The following SGCZ variants were observed in gnomAD, a reference collection of about 807,000 sequenced individuals.
SGCZ encodes the protein zeta-sarcoglycan.
In SGCZ, 40 loss-of-function variants were observed where a neutral mutation model predicts 41.3. The observed-to-expected ratio is 0.97, with a 90% CI of 0.75 to 1.26. SGCZ has a LOEUF of 1.26. Ranked by LOEUF, SGCZ falls within the 50% of genes most tolerant of loss-of-function variation. The probability of loss-of-function intolerance (pLI) is 0.00; values close to 1 mark genes in which losing one functional copy is unlikely to be tolerated. For synonymous variants in SGCZ, 206 were observed against 137.5 expected (o/e 1.50, Z -3.49); for missense variants, 552 against 369.8 (o/e 1.49, Z -4.04).
At chr8:14,477,579 A>G (rs1002629175) in intron 2 of SGCZ, among the ~76,000 whole-genome samples, 6 of 152,192 alleles carry the variant, frequency 3.9e-5, no homozygotes, top group African/African-American at 7.2e-5. Flanking sequence ...ATCATCTACT[A>G]AATCTGTCTA....
intron 5 of SGCZ, among the ~76,000 whole-genome samples, chr8:14,139,373 A>C (rs1436277546): frequency 6.6e-6 from 1 of 151,194 alleles, no homozygotes; most frequent in Non-Finnish European, 1.5e-5. Context: ...TAGACACACA[A>C]AAAACCCTTC....
intron 2 of SGCZ, among the ~76,000 whole-genome samples, chr8:14,523,474 T>G (rs1489064150): frequency 6.6e-6 from 1 of 152,082 alleles, no homozygotes; most frequent in African/African-American, 2.4e-5. Flanking sequence ...TCCTCAGAAA[T>G]GTAAAAATAC....
intron 1 of SGCZ, among the ~76,000 whole-genome samples, chr8:14,651,367 G>C (rs554548055): frequency 5.3e-5 from 8 of 152,136 alleles, no homozygotes; most frequent in African/African-American, 1.4e-4. Context: ...GGCAGAGCAG[G>C]AATTGAATAT....
intron 1 of SGCZ, among the ~76,000 whole-genome samples, chr8:14,998,478 A>C (rs1452964024): frequency 1.3e-5 from 2 of 152,146 alleles, no homozygotes; most frequent in African/African-American, 4.8e-5. Context: ...TGGCATCACT[A>C]ATTACCTATA....
chr8:14,167,456 T>C (rs1045478193), intron 4 of SGCZ, among the ~76,000 whole-genome samples: 1 of 152,148 alleles, frequency 6.6e-6, no homozygotes, highest in Non-Finnish European at 1.5e-5. Context: ...TATATTTTCT[T>C]AGTCATCTTA....
intron 1 of SGCZ, among the ~76,000 whole-genome samples, chr8:15,094,141 AT>A (rs894693117): frequency 7.4e-5 from 11 of 148,736 alleles, no homozygotes; most frequent in Non-Finnish European, 9.0e-5. Flanking sequence ...TTTTTTTTAA[AT>A]TTTTTTTTTT....
intron 5 of SGCZ, among the ~76,000 whole-genome samples, chr8:14,161,609 C>T (rs768068533): frequency 2.6e-5 from 4 of 152,244 alleles, no homozygotes; most frequent in South Asian, 2.1e-4. Context: ...GTGGGTGTTT[C>T]TTTCATTCTA....
At chr8:14,602,728 G>A (rs144733356) in intron 1 of SGCZ, among the ~76,000 whole-genome samples, 4 of 151,930 alleles carry the variant, frequency 2.6e-5, no homozygotes, top group African/African-American at 7.2e-5. Flanking sequence ...CTATACTGTC[G>A]TTGTCTGTTA....
chr8:14,840,281 T>C (rs1802856907), intron 1 of SGCZ, among the ~76,000 whole-genome samples: 1 of 152,162 alleles, frequency 6.6e-6, no homozygotes, highest in Non-Finnish European at 1.5e-5. Context: ...AAGGGATTGG[T>C]ATTAGAACAA....
intron 3 of SGCZ, among the ~76,000 whole-genome samples, chr8:14,294,233 T>C (rs1353726916): frequency 2.6e-5 from 4 of 151,946 alleles, no homozygotes; most frequent in East Asian, 1.9e-4. Flanking sequence ...AGTAGGAATA[T>C]ATTTATGTAT....
In SGCZ at chr8:15,055,884, G is replaced by A. The variant is rs542813382; in HGVS notation, c.39+181701C>T. On this transcript the variant is annotated intron_variant, in intron 1 of 7. Coordinates refer to ENST00000382080, the MANE Select transcript of SGCZ (RefSeq NM_139167.4). ...GCTGCTCCACCTGCCTGAAAGTCCA[G>A]TTCCCCTGTGACCTGCTCTTTTTCA... is the stretch of plus-strand genomic sequence containing the variant. Among the ~76,000 whole-genome samples, 10 of 152,284 alleles carry A rather than the reference G, an allele frequency of 6.6e-5. No homozygotes were observed. In the East Asian group the frequency reaches 1.7e-3, roughly 26 times the overall value.
rs558213231 is a variant in SGCZ, at chr8:14,464,403, A to G, written c.234+90329T>C. ...CAATTTTTAGTTCACAGTTGCATGT[A>G]GGACTCTTATAATCCTTTTTATAAC... On this transcript the variant is annotated intron_variant, in intron 2 of 7. Coordinates refer to ENST00000382080, the MANE Select transcript of SGCZ (RefSeq NM_139167.4). Among the ~76,000 whole-genome samples the G allele has an allele frequency of 7.9e-5, 12 of 151,230 alleles. No individual in the cohort carries two copies. The East Asian group carries it at 2.1e-3, about 27-fold the overall frequency.
intron 1 of SGCZ, among the ~76,000 whole-genome samples, chr8:14,715,609 C>T (rs558109361): frequency 6.6e-6 from 1 of 151,984 alleles, no homozygotes; most frequent in East Asian, 1.9e-4. Context: ...TGGCCAATGG[C>T]AGGCACATGA....
chr8:14,250,713 G>A lies in SGCZ; in HGVS notation c.337-13034C>T, dbSNP rs532255603. Among the ~76,000 whole-genome samples, 16 of 152,054 alleles carry A rather than the reference G, an allele frequency of 1.1e-4. No homozygotes were observed. In the South Asian group the frequency reaches 2.1e-3, roughly 20 times the overall value. ...TGAGATGCCAGAATCGTTTGTTATT[G>A]GAGTTGGCCTGACCTGACAGAACAG... On this transcript the variant is annotated intron_variant, in intron 3 of 7. Coordinates refer to ENST00000382080, the MANE Select transcript of SGCZ (RefSeq NM_139167.4).
chr8:14,796,227 T>C (rs1801124249), intron 1 of SGCZ, among the ~76,000 whole-genome samples: 1 of 152,182 alleles, frequency 6.6e-6, no homozygotes, highest in Non-Finnish European at 1.5e-5. Flanking sequence ...ATTTCTGTCA[T>C]TACATCTTTG....
intron 1 of SGCZ, among the ~76,000 whole-genome samples, chr8:15,084,262 G>A (rs2131050714): frequency 6.6e-6 from 1 of 152,174 alleles, no homozygotes; most frequent in South Asian, 2.1e-4. Flanking sequence ...GTATTTCTAT[G>A]ATGCATTTAA....
At chr8:15,166,579 T>A (rs751693260) in intron 1 of SGCZ, among the ~76,000 whole-genome samples, 7 of 152,158 alleles carry the variant, frequency 4.6e-5, no homozygotes, top group Non-Finnish European at 2.9e-5. Flanking sequence ...TTTATCTTGG[T>A]GAATAATGCT....
chr8:14,535,300 A>C (rs539666505), intron 2 of SGCZ, among the ~76,000 whole-genome samples: 1 of 151,922 alleles, frequency 6.6e-6, no homozygotes, highest in African/African-American at 2.4e-5. Context: ...AGTTTAATAT[A>C]TTTCCATGAA....
intron 1 of SGCZ, among the ~76,000 whole-genome samples, chr8:14,881,793 C>G (rs1210405496): frequency 2.0e-5 from 3 of 152,198 alleles, no homozygotes; most frequent in Non-Finnish European, 4.4e-5. Context: ...CTCATTGCCA[C>G]ATGGCACTTA....
Sources: allele counts gnomAD v4.1 joint callset (sites outside exome capture counted in the v4.1 genomes callset), GRCh38; gene constraint gnomAD v4.1.1; transcripts MANE v1.5; gene names NCBI Gene and HGNC (gene_info 2026-07-23, HGNC 2026-07-21).